FAM13A: variants seen among roughly 807,000 people sequenced by gnomAD.
The protein encoded by FAM13A is family with sequence similarity 13 member A, also known as protein FAM13A.
Under a neutral mutation model 129.6 loss-of-function variants are expected in FAM13A, and 76 were observed. That is an observed-to-expected ratio of 0.59 (90% CI 0.49 to 0.71). The LOEUF (loss-of-function observed/expected upper bound fraction) is 0.71. Among genes scored for constraint, FAM13A ranks in the 30% least tolerant of loss-of-function variants. The pLI, the probability that FAM13A is intolerant of heterozygous loss-of-function variation, is 0.00. For synonymous variants in FAM13A, 443 were observed against 449.9 expected, an observed-to-expected ratio of 0.98 and a Z score of 0.20; for missense variants, 1,108 against 1,249.3, an observed-to-expected ratio of 0.89 and a Z score of 1.70.
At chr4:88,766,964 G>A (rs1427953171) in intron 13 of FAM13A, among the ~76,000 whole-genome samples, 1 of 152,192 alleles carries the variant, frequency 6.6e-6, no homozygotes, top group Non-Finnish European at 1.5e-5. Flanking sequence ...ATGGAAGCTG[G>A]ACTTGGGAGC....
intron 5 of FAM13A, among the ~76,000 whole-genome samples, chr4:88,919,906 T>A (rs1750742150): frequency 6.6e-6 from 1 of 152,256 alleles, no homozygotes; most frequent in African/African-American, 2.4e-5. Flanking sequence ...ATCGCGCACA[T>A]GGCTCGGAGG....
At chr4:89,053,342 G>T (rs1009927299) in intron 1 of FAM13A, among the ~76,000 whole-genome samples, 1 of 152,152 alleles carries the variant, frequency 6.6e-6, no homozygotes. Flanking sequence ...ACATTTGAAC[G>T]TTAAATAACA....
At position 88,726,779 on chromosome 4, in the gene FAM13A, G is replaced by A. The variant is rs1736555275; in HGVS notation, c.*1754C>T. On this transcript the variant is annotated 3_prime_UTR_variant, in exon 24 of 24. Coordinates refer to ENST00000264344, the MANE Select transcript of FAM13A (RefSeq NM_014883.4). ...TCTGCAATGTAAACAGTAGAGCAAA[G>A]AATTCCAAACTATATTTTTATGTAC... 1 of 152,644 alleles carries A rather than the reference G, an allele frequency of 6.6e-6. No individual in the cohort carries two copies. The highest frequency in any genetic ancestry group is 1.5e-5 in the Non-Finnish European group (1 of 68,040). 9.5% of individuals were successfully genotyped at this position (152,644 alleles called of 1,614,324 possible). A position where few individuals can be genotyped will look rare whatever the true frequency, so the allele number is the denominator to read the frequency against.
intron 4 of FAM13A, among the ~76,000 whole-genome samples, chr4:88,976,464 T>G (rs1412212222): frequency 6.6e-6 from 1 of 152,154 alleles, no homozygotes; most frequent in Admixed American, 6.5e-5. Flanking sequence ...GATGAAACTG[T>G]GAATAGTATC....
chr4:88,780,597 T>C (rs1186325854), intron 11 of FAM13A, among the ~76,000 whole-genome samples: 1 of 152,202 alleles, frequency 6.6e-6, no homozygotes, highest in African/African-American at 2.4e-5. Context: ...TAAACACTTA[T>C]ACTATGTATT....
intron 4 of FAM13A, among the ~76,000 whole-genome samples, chr4:88,982,758 A>G (rs1010835915): frequency 6.6e-6 from 1 of 152,198 alleles, no homozygotes; most frequent in African/African-American, 2.4e-5. Flanking sequence ...AATCATATAC[A>G]ACATATATAG....
At chr4:88,987,735 C>T (rs1018239604) in intron 4 of FAM13A, among the ~76,000 whole-genome samples, 1 of 147,850 alleles carries the variant, frequency 6.8e-6, no homozygotes, top group Non-Finnish European at 1.5e-5. Context: ...CCAGCTACTC[C>T]TGAGGCTGAG....
intron 6 of FAM13A, among the ~76,000 whole-genome samples, chr4:88,872,797 C>T (rs1444172379): frequency 6.6e-6 from 1 of 152,198 alleles, no homozygotes; most frequent in Non-Finnish European, 1.5e-5. Flanking sequence ...ACCTAATAGA[C>T]ATCTACAGAA....
At chr4:88,983,520 A>C (rs995974022) in intron 4 of FAM13A, among the ~76,000 whole-genome samples, 7 of 152,188 alleles carry the variant, frequency 4.6e-5, no homozygotes, top group African/African-American at 1.7e-4. Flanking sequence ...CAATCTGAAA[A>C]TAAAACTGAG....
At chr4:88,976,668 G>GTACAGTGTTTACAAAGTT (rs147022152) in intron 4 of FAM13A, among the ~76,000 whole-genome samples, 2 of 150,538 alleles carry the variant, frequency 1.3e-5, no homozygotes, top group Admixed American at 1.3e-4. Flanking sequence ...TAGCCTAAGT[G>GTACAGTGTTTACAAAGTT]TACAGTAGTG....
At position 88,830,329 on chromosome 4, in the gene FAM13A, T is replaced by C. The variant is rs192838859; in HGVS notation, c.1007+20691A>G. Among the ~76,000 whole-genome samples, 3 of 152,272 alleles carry C rather than the reference T, an allele frequency of 2.0e-5. No homozygotes were observed. In the East Asian group the frequency reaches 5.8e-4, roughly 29 times the overall value. On this transcript the variant is annotated intron_variant, in intron 7 of 23. Transcript: ENST00000264344. ...AGCTCAAGTATTTCTTAAGGAATAA[T>C]TACAAAACCATATAAAAAGCTTGTT...
At chr4:88,730,047 T>C (rs1578391883) in intron 23 of FAM13A, 1 of 152,204 alleles carries the variant, frequency 6.6e-6, no homozygotes, top group East Asian at 1.9e-4. Flanking sequence ...TAAAAGTAAA[T>C]TCATACAATA....
chr4:89,013,810 C>T (rs866204798), intron 3 of FAM13A, among the ~76,000 whole-genome samples: 1 of 152,288 alleles, frequency 6.6e-6, no homozygotes, highest in African/African-American at 2.4e-5. Flanking sequence ...CATTCAAGGT[C>T]ATTTTGTTCT....
chr4:89,017,617 C>T (rs1002872164), intron 3 of FAM13A, among the ~76,000 whole-genome samples: 3 of 151,982 alleles, frequency 2.0e-5, no homozygotes, highest in Admixed American at 2.0e-4. Flanking sequence ...ATTAAGAATA[C>T]TAAAGATATC....
intron 1 of FAM13A, among the ~76,000 whole-genome samples, chr4:89,052,939 A>G (rs1771794285): frequency 6.6e-6 from 1 of 152,208 alleles, no homozygotes; most frequent in Admixed American, 6.5e-5. Flanking sequence ...GTGAAAAATT[A>G]ACCATCAGAA....
chr4:89,038,288 A>C lies in FAM13A; in HGVS notation c.28-8639T>G, dbSNP rs115043613. Among the ~76,000 whole-genome samples the C allele has an allele frequency of 6.4e-3, 975 of 152,350 alleles. 7 individuals carry two copies. Among genetic ancestry groups the C allele is most frequent in the African/African-American group, 0.022 (917 of 41,584 alleles). On this transcript the variant is annotated intron_variant, in intron 1 of 23. Coordinates refer to ENST00000264344, the MANE Select transcript of FAM13A (RefSeq NM_014883.4). ...ATTTAAAGTACTTTGAAAGATAATC[A>C]GATTACATTGCTGGTTAAATTCAGA...
intron 4 of FAM13A, among the ~76,000 whole-genome samples, chr4:88,961,190 A>G (rs1301083037): frequency 1.3e-5 from 2 of 152,136 alleles, no homozygotes; most frequent in African/African-American, 2.4e-5. Context: ...AACAAACAAC[A>G]CAGAAAATAT....
intron 2 of FAM13A, among the ~76,000 whole-genome samples, chr4:89,028,519 C>A (rs781250525): frequency 3.1e-4 from 47 of 151,696 alleles, no homozygotes; most frequent in Non-Finnish European, 6.2e-4. Flanking sequence ...CCTGTCTCTA[C>A]AAATAAAAAT....
chr4:88,787,578 T>C (rs1724220576), intron 10 of FAM13A, among the ~76,000 whole-genome samples, 175 bp downstream of exon 10: 1 of 152,168 alleles, frequency 6.6e-6, no homozygotes, highest in South Asian at 2.1e-4. Flanking sequence ...TACCTATGAA[T>C]TTCCAAATGT....
Sources: allele counts gnomAD v4.1 joint callset (sites outside exome capture counted in the v4.1 genomes callset), GRCh38; gene constraint gnomAD v4.1.1; transcripts MANE v1.5; gene names NCBI Gene and HGNC (gene_info 2026-07-23, HGNC 2026-07-21).